GALNT16: variants seen among roughly 807,000 people sequenced by gnomAD.
The protein encoded by GALNT16 is UDP-GalNAc:polypeptide N-acetylgalactosaminyltransferase-like protein 1.
Under a neutral mutation model 76.1 loss-of-function variants are expected in GALNT16, and 40 were observed. That is an observed-to-expected ratio of 0.53 (90% CI 0.41 to 0.68). The LOEUF (loss-of-function observed/expected upper bound fraction) is 0.68, where lower values mean the gene tolerates loss of function less well. Ranked by LOEUF, GALNT16 falls within the 30% of genes least tolerant of loss-of-function variation. GALNT16 has a pLI of 0.00. For synonymous variants in GALNT16, 276 were observed against 285.2 expected (o/e 0.97, Z 0.32); for missense variants, 621 against 731.9 (o/e 0.85, Z 1.75).
intron 1 of GALNT16, among the ~76,000 whole-genome samples, chr14:69,314,238 G>A (rs1398646057): frequency 1.3e-5 from 2 of 152,234 alleles, no homozygotes; most frequent in Non-Finnish European, 2.9e-5. Context: ...TATGTGCCAG[G>A]CACTGTGCAA....
At chr14:69,297,967 A>G (rs2044792434) in intron 1 of GALNT16, among the ~76,000 whole-genome samples, 1 of 152,176 alleles carries the variant, frequency 6.6e-6, no homozygotes, top group African/African-American at 2.4e-5. Flanking sequence ...ACTCACCCCT[A>G]TTTTACAGCT....
At chr14:69,377,521 C>T in the GALNT16 span, among the ~76,000 whole-genome samples, 1 of 151,974 alleles carries the variant, frequency 6.6e-6, no homozygotes, top group South Asian at 2.1e-4. Context: ...CAAAAGTATC[C>T]TTAGGTTGGG....
rs540868960 is a variant in GALNT16, at chr14:69,343,496, G to T, written c.1271+1732G>T. 2.0e-5 allele frequency among the ~76,000 whole-genome samples: 3 copies of T among 152,314 alleles called. No homozygotes were observed. In the East Asian group the frequency reaches 5.8e-4, roughly 29 times the overall value. ...CAGTGTCACTGGAAGAAAGTCAGTGGCCTAGATAACCCCAGCTCCCTGGAC... is the reference window on the plus strand; with the variant it reads ...CAGTGTCACTGGAAGAAAGTCAGTGTCCTAGATAACCCCAGCTCCCTGGAC... On this transcript the variant is annotated intron_variant, in intron 12 of 14. Coordinates refer to ENST00000448469, the MANE Select transcript of GALNT16 (RefSeq NM_001168368.2).
At chr14:69,286,618 T>C (rs1294386210) in intron 1 of GALNT16, among the ~76,000 whole-genome samples, 1 of 152,172 alleles carries the variant, frequency 6.6e-6, no homozygotes, top group African/African-American at 2.4e-5. Context: ...GCACTCTTAT[T>C]TGTGCATTTT....
At chr14:69,295,321 G>T (rs577302319) in intron 1 of GALNT16, among the ~76,000 whole-genome samples, 7 of 151,634 alleles carry the variant, frequency 4.6e-5, no homozygotes, top group African/African-American at 1.7e-4. Context: ...AGGCTGAGAC[G>T]GGAGGATCGC....
At chr14:69,279,168 G>A (rs2044509343) in intron 1 of GALNT16, among the ~76,000 whole-genome samples, 1 of 152,200 alleles carries the variant, frequency 6.6e-6, no homozygotes, top group South Asian at 2.1e-4. Flanking sequence ...CTGACCTCAG[G>A]TGATCTGCCC....
At chr14:69,347,808 C>T in intron 13 of GALNT16, 69 bp from the exon 14 acceptor site, 2 of 1,549,206 alleles carry the variant, frequency 1.3e-6, no homozygotes, top group African/African-American at 2.7e-5. Flanking sequence ...TTGCTTTATC[C>T]CCTATCTACC....
chr14:69,353,660 G>A lies in GALNT16; in HGVS notation c.*1492G>A, dbSNP rs1236380911. The A allele has an allele frequency of 1.3e-5, 2 of 152,160 alleles. No individual in the cohort carries two copies. Among genetic ancestry groups the A allele is most frequent in the Non-Finnish European group, 2.9e-5 (2 of 68,042 alleles). 9.4% of individuals were successfully genotyped at this position (152,160 alleles called of 1,614,324 possible). Reference sequence around the variant, plus strand: ...ACCCATAGAGTTCATGGATTCTAGAGGGTCTAGGAATCTCTTGAAATTGTC... The same window carrying A: ...ACCCATAGAGTTCATGGATTCTAGAAGGTCTAGGAATCTCTTGAAATTGTC... On this transcript the variant is annotated 3_prime_UTR_variant, in exon 15 of 15. Coordinates refer to ENST00000448469, the MANE Select transcript of GALNT16 (RefSeq NM_001168368.2).
chr14:69,381,216 C>T, the GALNT16 span, among the ~76,000 whole-genome samples: 1 of 152,146 alleles, frequency 6.6e-6, no homozygotes, highest in South Asian at 2.1e-4. Flanking sequence ...GTGGAGGATG[C>T]AGTGAGCCGA....
intron 1 of GALNT16, among the ~76,000 whole-genome samples, chr14:69,282,041 A>G (rs1455414864): frequency 1.3e-5 from 2 of 152,254 alleles, no homozygotes; most frequent in African/African-American, 4.8e-5. Context: ...CAGAGAAACT[A>G]TGAGAAACGT....
At chr14:69,383,472 G>T in the GALNT16 span, among the ~76,000 whole-genome samples, 23 of 152,294 alleles carry the variant, frequency 1.5e-4, no homozygotes, top group African/African-American at 5.5e-4. Context: ...GTGGCAGTGG[G>T]TTACCTCTTT....
In GALNT16 at chr14:69,261,087, C is replaced by T. The variant is rs906056475; in HGVS notation, c.177+620C>T. On this transcript the variant is annotated intron_variant, in intron 1 of 14. Transcript: ENST00000448469. This position sits in a 1 kb window ranked among gnomAD's most constrained non-coding sequence, Gnocchi z 6.4. ...CTCGCACTGTACGCGTCTCTCACTC[C>T]CAACCTTAGGGTCCGCCACCACGGG... is the stretch of plus-strand genomic sequence containing the variant. Among the ~76,000 whole-genome samples the T allele has an allele frequency of 1.3e-5, 2 of 152,234 alleles. No homozygotes were observed. The highest frequency in any genetic ancestry group is 2.4e-5 in the African/African-American group (1 of 41,458).
At chr14:69,297,244 A>G (rs548699472) in intron 1 of GALNT16, among the ~76,000 whole-genome samples, 1 of 152,248 alleles carries the variant, frequency 6.6e-6, no homozygotes. Context: ...GTATCGATTG[A>G]CACTCCCAGC....
At chr14:69,285,019 T>C (rs2044591494) in intron 1 of GALNT16, among the ~76,000 whole-genome samples, 1 of 151,260 alleles carries the variant, frequency 6.6e-6, no homozygotes, top group South Asian at 2.1e-4. Flanking sequence ...TTCCTTTATA[T>C]GTTACCCAGT....
chr14:69,380,514 A>AC, the GALNT16 span: 49 of 1,218,980 alleles, frequency 4.0e-5, no homozygotes, highest in Admixed American at 2.9e-4. Flanking sequence ...GCCCACCCCA[A>AC]CCCCCCCAGT....
At chr14:69,277,744 T>C (rs1376365566) in intron 1 of GALNT16, among the ~76,000 whole-genome samples, 1 of 152,234 alleles carries the variant, frequency 6.6e-6, no homozygotes, top group Admixed American at 6.5e-5. Flanking sequence ...TACCCAGTAA[T>C]GGGATGGCTG....
the GALNT16 span, among the ~76,000 whole-genome samples, chr14:69,376,215 T>C: frequency 5.3e-5 from 8 of 152,318 alleles, no homozygotes; most frequent in Admixed American, 2.0e-4. Flanking sequence ...GATCCATTTT[T>C]AAACTTTGCT....
intron 1 of GALNT16, among the ~76,000 whole-genome samples, chr14:69,272,466 A>G (rs2044417711): frequency 1.3e-5 from 2 of 152,212 alleles, no homozygotes; most frequent in Admixed American, 1.3e-4. Flanking sequence ...ACCAGGGACT[A>G]CATATATGAC....
rs373048551 is a variant in GALNT16 at position 69,311,755 on chromosome 14, A to C, written c.178-8956A>C. 1.5e-4 allele frequency among the ~76,000 whole-genome samples: 23 copies of C among 152,318 alleles called. 2 individuals are homozygous for C. The highest frequency in any genetic ancestry group is 5.3e-4 in the African/African-American group (22 of 41,570). Reference sequence around the variant, plus strand: ...TATAAACCGACATGCCCAGCTGGCAATCAAAGGCTTGCTGAGTTCTAATGT... The same window carrying C: ...TATAAACCGACATGCCCAGCTGGCACTCAAAGGCTTGCTGAGTTCTAATGT... On this transcript the variant is annotated intron_variant, in intron 1 of 14. Transcript: ENST00000448469.
Sources: gnomAD v4.1 joint callset for allele counts (sites outside exome capture counted in the v4.1 genomes callset) on GRCh38, gnomAD v4.1.1 for gene constraint, Gnocchi (gnomAD v3.1) non-coding constraint, MANE v1.5 for transcripts, NCBI Gene and HGNC (gene_info 2026-07-23, HGNC 2026-07-21) for gene names.